CLRN3: variants seen among roughly 807,000 people sequenced by gnomAD.
CLRN3 encodes clarin-3.
A neutral mutation model predicts 16.7 loss-of-function variants in CLRN3; 12 were observed. That is an observed-to-expected ratio of 0.72 (90% CI 0.46 to 1.16). CLRN3 has a LOEUF of 1.16. Ranked by LOEUF, CLRN3 falls within the 50% of genes most tolerant of loss-of-function variation. The pLI is 0.00. For missense variants in CLRN3, 296 were observed against 274.2 expected, an observed-to-expected ratio of 1.08 and a Z score of -0.56; for synonymous variants, 118 against 113.0, an observed-to-expected ratio of 1.04 and a Z score of -0.28.
At chr10:127,889,116 T>C (rs1358020525) in intron 1 of CLRN3, among the ~76,000 whole-genome samples, 1 of 152,126 alleles carries the variant, frequency 6.6e-6, no homozygotes, top group African/African-American at 2.4e-5. Flanking sequence ...GAAATATCTC[T>C]CATAATAAAG....
chr10:127,891,405 GT>G (rs1845256505), intron 1 of CLRN3, among the ~76,000 whole-genome samples: 1 of 152,174 alleles, frequency 6.6e-6, no homozygotes, highest in African/African-American at 2.4e-5. Flanking sequence ...GCAGTTTTTG[GT>G]TTTGAAAATG....
In CLRN3 at chr10:127,883,737, A is replaced by C; in HGVS notation, c.368T>G (p.Phe123Cys). 2 of 1,613,826 alleles carry C rather than the reference A, an allele frequency of 1.2e-6. No individual in the cohort carries two copies. The highest frequency in any genetic ancestry group is 1.7e-6 in the Non-Finnish European group (2 of 1,179,864). Residue 123 changes from phenylalanine to cysteine, a missense_variant, in exon 2 of 3, where the codon TTC (phenylalanine) becomes TGC (cysteine). Transcript: ENST00000368671. ...GGTGTACACCCCCGTCGGCCCCAGG[A>C]ATGTCTGGTAAGGGTTGCTGATGCT... ...YNSISNPYQT[F>C]LGPTGVYTWN...
intron 2 of CLRN3, among the ~76,000 whole-genome samples, chr10:127,881,222 A>G (rs1188352157): frequency 6.6e-6 from 1 of 152,212 alleles, no homozygotes; most frequent in Non-Finnish European, 1.5e-5. Flanking sequence ...CTCCTGAGCC[A>G]GGAAAGGAAG....
intron 2 of CLRN3, among the ~76,000 whole-genome samples, chr10:127,883,307 T>C (rs907318460): frequency 6.6e-6 from 1 of 152,112 alleles, no homozygotes; most frequent in Non-Finnish European, 1.5e-5. Flanking sequence ...TGTGTGTGCA[T>C]GCGTGTGCAT....
intron 1 of CLRN3, among the ~76,000 whole-genome samples, chr10:127,884,217 C>G (rs1388914040): frequency 1.3e-5 from 2 of 152,220 alleles, no homozygotes; most frequent in African/African-American, 2.4e-5. Context: ...TGCCAAGGTG[C>G]TTTTCCCAGT....
intron 2 of CLRN3, among the ~76,000 whole-genome samples, chr10:127,879,172 C>A (rs1365103386): frequency 6.6e-6 from 1 of 152,132 alleles, no homozygotes; most frequent in African/African-American, 2.4e-5. Flanking sequence ...TGCAGTGGTA[C>A]AATCTCAGCT....
chr10:127,885,021 C>G (rs1194716590), intron 1 of CLRN3, among the ~76,000 whole-genome samples: 1 of 152,220 alleles, frequency 6.6e-6, no homozygotes, highest in Non-Finnish European at 1.5e-5. Flanking sequence ...TCTTTGTTTC[C>G]GTTCTGGTTT....
chr10:127,883,570 G>A, intron 2 of CLRN3, 126 bp downstream of exon 2: 1 of 719,998 alleles, frequency 1.4e-6, no homozygotes, highest in Non-Finnish European at 2.5e-6. Context: ...CAGCTCATGG[G>A]AGGTCCTCAT....
intron 1 of CLRN3, among the ~76,000 whole-genome samples, chr10:127,887,451 C>CTT (rs112841520): frequency 2.2e-5 from 3 of 139,508 alleles, no homozygotes; most frequent in Admixed American, 7.2e-5. Flanking sequence ...GTTCACATTC[C>CTT]TTTTTTTTTT....
At chr10:127,887,874 T>A (rs1845214954) in intron 1 of CLRN3, among the ~76,000 whole-genome samples, 2 of 152,278 alleles carry the variant, frequency 1.3e-5, no homozygotes, top group Admixed American at 1.3e-4. Flanking sequence ...ACCTCACAAT[T>A]GGCGCTAATT....
chr10:127,883,161 A>G (rs1294634039), intron 2 of CLRN3, among the ~76,000 whole-genome samples: 1 of 152,208 alleles, frequency 6.6e-6, no homozygotes, highest in East Asian at 1.9e-4. Flanking sequence ...CTTATGTGCC[A>G]TTATCTGTGG....
chr10:127,889,869 T>G (rs1267432635), intron 1 of CLRN3, among the ~76,000 whole-genome samples: 3 of 152,196 alleles, frequency 2.0e-5, no homozygotes, highest in Non-Finnish European at 4.4e-5. Context: ...AGGAATGACT[T>G]CTTTTTACAT....
At chr10:127,881,195 CTG>C (rs1845123666) in intron 2 of CLRN3, among the ~76,000 whole-genome samples, 1 of 152,202 alleles carries the variant, frequency 6.6e-6, no homozygotes, top group African/African-American at 2.4e-5. Context: ...CAGCCTCCCT[CTG>C]TGTGTTAGAA....
chr10:127,880,410 T>C (rs6482992), intron 2 of CLRN3, among the ~76,000 whole-genome samples: 71,425 of 152,012 alleles, frequency 0.47, 20,251 homozygotes, highest in Non-Finnish European at 0.61. Context: ...TTATAGGGGC[T>C]GGAGGAAGCC....
At chr10:127,883,994 G>T in intron 1 of CLRN3, 119 bp from the exon 2 acceptor site, 1 of 894,084 alleles carries the variant, frequency 1.1e-6, no homozygotes, top group Non-Finnish European at 1.8e-6. Flanking sequence ...GTCAGTTAGA[G>T]ATACCAGGAG....
At chr10:127,891,779 T>C (rs1329816889) in intron 1 of CLRN3, among the ~76,000 whole-genome samples, 1 of 152,242 alleles carries the variant, frequency 6.6e-6, no homozygotes, top group African/African-American at 2.4e-5. Flanking sequence ...AATGACTGTA[T>C]GATACCCAAT....
At chr10:127,886,758 G>A (rs1845199626) in intron 1 of CLRN3, among the ~76,000 whole-genome samples, 1 of 152,240 alleles carries the variant, frequency 6.6e-6, no homozygotes, top group Admixed American at 6.5e-5. Context: ...AGTGGAACTG[G>A]GGACTGTGAG....
At chr10:127,880,189 C>T (rs1204649315) in intron 2 of CLRN3, among the ~76,000 whole-genome samples, 1 of 152,184 alleles carries the variant, frequency 6.6e-6, no homozygotes, top group Admixed American at 6.5e-5. Context: ...TTTCATTTTC[C>T]TCTTGTGAAG....
chr10:127,879,030 A>G (rs1845094371), intron 2 of CLRN3, among the ~76,000 whole-genome samples: 1 of 152,180 alleles, frequency 6.6e-6, no homozygotes. Flanking sequence ...TCTCCTTACA[A>G]AACTCATTAG....
Sources: gnomAD v4.1 joint callset for allele counts (sites outside exome capture counted in the v4.1 genomes callset) on GRCh38, gnomAD v4.1.1 for gene constraint, MANE v1.5 for transcripts, NCBI Gene and HGNC (gene_info 2026-07-23, HGNC 2026-07-21) for gene names.